Variants in DTX3L observed in about 807,000 individuals in gnomAD.
DTX3L encodes the protein deltex E3 ubiquitin ligase 3L.
Under a neutral mutation model 60.9 loss-of-function variants are expected in DTX3L, and 34 were observed. The ratio of observed to expected loss-of-function variants is 0.56; its 90% CI spans 0.42 to 0.74. The LOEUF (loss-of-function observed/expected upper bound fraction) is 0.74. DTX3L is among the 30% of genes least tolerant of loss of function. DTX3L has a pLI of 0.00. For missense variants in DTX3L, 810 were observed against 874.0 expected, an observed-to-expected ratio of 0.93 and a Z score of 0.92; for synonymous variants, 290 against 316.6, an observed-to-expected ratio of 0.92 and a Z score of 0.89.
chr3:122,570,572 C>G lies in DTX3L; in HGVS notation c.2053C>G (p.Leu685Val), dbSNP rs762935073. Residue 685 changes from leucine (L) to valine (V), a missense_variant, in exon 4 of 5, where the codon CTG becomes GTG. By Grantham distance (32) the Leu-to-Val change is conservative. Transcript: ENST00000296161. ...KLLYRAFDQK[L>V]IFTVGYSRVL... ...GCTTTATAGGGCCTTTGACCAAAAG[C>G]TGATTTTTACAGTGGGGTACTCTCG... 6 of 1,614,136 alleles carry G rather than the reference C, an allele frequency of 3.7e-6. No homozygotes were observed. In the Admixed American group the frequency reaches 1.0e-4, roughly 27 times the overall value.
In DTX3L at chr3:122,568,851, C is replaced by T; in HGVS notation, c.762C>T (p.Ile254=). 1 of 1,613,962 alleles carries T rather than the reference C, an allele frequency of 6.2e-7. No homozygotes were observed. Among genetic ancestry groups the T allele is most frequent in the Non-Finnish European group, 8.5e-7 (1 of 1,179,984 alleles). ...TTAAATATATCTGTCCTGATAAAATCAACTCAATAGAGAAAAGATTTGGTG... is the reference window on the plus strand; with the variant it reads ...TTAAATATATCTGTCCTGATAAAATTAACTCAATAGAGAAAAGATTTGGTG... ...EYFKYICPDK[I]NSIEKRFGVN... Residue 254 remains isoleucine, a synonymous_variant, in exon 3 of 5, where the codon ATC becomes ATT. Coordinates refer to ENST00000296161, the MANE Select transcript of DTX3L (RefSeq NM_138287.3).
chr3:122,569,896 T>C lies in DTX3L; in HGVS notation c.1807T>C (p.Tyr603His). The part of the protein sequence containing the change: ...KPICPTCQTS[Y>H]GIQKGNQPEG... ...AATCTGTCCCACATGCCAGACTTCC[T>C]ATGGTATTCAGAAAGGAAATCAGCC... is the stretch of plus-strand genomic sequence containing the variant. Residue 603 changes from tyrosine (Y) to histidine (H), a missense_variant, in exon 3 of 5, where the codon TAT (tyrosine) becomes CAT (histidine). Physicochemically the swap from Tyr to His is moderately conservative, Grantham distance 83 (BLOSUM62 2). Coordinates refer to ENST00000296161, the MANE Select transcript of DTX3L (RefSeq NM_138287.3). 1 of 1,614,166 alleles carries C rather than the reference T, an allele frequency of 6.2e-7. No individual in the cohort carries two copies. The highest frequency in any genetic ancestry group is 8.5e-7 in the Non-Finnish European group (1 of 1,180,018).
At chr3:122,568,347 A>G in intron 2 of DTX3L, 142 bp from the exon 3 acceptor site, 1 of 381,780 alleles carries the variant, frequency 2.6e-6, no homozygotes, top group East Asian at 3.9e-5. Flanking sequence ...ATAAATAAAT[A>G]AATAGGATTT....
Position 122,569,840 on chromosome 3 carries a change from CT to C in DTX3L, c.1753del (p.Cys585ValfsTer50). On this transcript the variant is annotated frameshift_variant, in exon 3 of 5. Coordinates refer to ENST00000296161, the MANE Select transcript of DTX3L (RefSeq NM_138287.3). LOFTEE classifies it high-confidence loss of function. ...LPKCKHEFCA[P>X]CINKAMSYKP... ...AAGTGCAAGCATGAATTCTGCGCCC[CT>C]TGTATCAACAAAGCCATGTCATATA... 6.2e-7 allele frequency: 1 copy of C among 1,614,142 alleles called. No individual in the cohort carries two copies. The highest frequency in any genetic ancestry group is 2.2e-5 in the East Asian group (1 of 44,886).
chr3:122,569,485 C>A lies in DTX3L; in HGVS notation c.1396C>A (p.His466Asn). ...TTTGGGCAAGGAGAGAAAGCACTTA[C>A]ATCAGACCAAGTTTGCTGATGACTT... ...KSLGKERKHLHQTKFADDFRK... is the reference protein window; with the variant it reads ...KSLGKERKHLNQTKFADDFRK... Residue 466 changes from histidine (H) to asparagine (N), a missense_variant, in exon 3 of 5, where the codon CAT (histidine) becomes AAT (asparagine). His to Asn is a moderately conservative substitution (Grantham distance 68, BLOSUM62 1). Transcript: ENST00000296161. The A allele has an allele frequency of 1.9e-6, 3 of 1,614,220 alleles. No homozygotes were observed. In the Middle Eastern group the frequency reaches 4.9e-4, roughly 266 times the overall value.
Position 122,565,877 on chromosome 3 carries a change from A to G in DTX3L, c.206A>G (p.Lys69Arg), listed in dbSNP as rs2080576025. The change falls in exon 2 of 5, where the codon AAA becomes AGA. Residue 69 changes from lysine to arginine, a missense_variant. Lys to Arg is a conservative substitution (Grantham distance 26, BLOSUM62 2). Transcript: ENST00000296161. The part of the protein sequence containing the change: ...SERAAKERVL[K>R]KGEHQILVDE... ...ACTGAAGCTAAGGAGAGAGTGTTGA[A>G]AAAAGGAGAGCACCAAATACTTGTT... 6.2e-7 allele frequency: 1 copy of G among 1,614,064 alleles called. No individual in the cohort carries two copies. Among genetic ancestry groups the G allele is most frequent in the Non-Finnish European group, 8.5e-7 (1 of 1,180,020 alleles).
Position 122,569,408 on chromosome 3 carries a change from C to G in DTX3L, c.1319C>G (p.Ala440Gly), listed in dbSNP as rs772063554. The G allele has an allele frequency of 1.7e-5, 27 of 1,614,026 alleles. No homozygotes were observed. The highest frequency in any genetic ancestry group is 2.3e-5 in the Non-Finnish European group (27 of 1,180,038). Residue 440 changes from alanine (A) to glycine (G), a missense_variant, in exon 3 of 5, where the codon GCC (alanine) becomes GGC (glycine). By Grantham distance (60) the Ala-to-Gly change is moderately conservative (BLOSUM62 0). Coordinates refer to ENST00000296161, the MANE Select transcript of DTX3L (RefSeq NM_138287.3). ...CATGCTTATGCAAGTTTCATCGATG[C>G]CTTTCAACATGCCTCATGTCAGTTG... ...SVHAYASFID[A>G]FQHASCQLMR...
rs948531193 is a variant in DTX3L at position 122,574,693 on chromosome 3, G to T, written c.*2946G>T. 1 of 152,284 alleles carries T rather than the reference G, an allele frequency of 6.6e-6. No individual in the cohort carries two copies. The highest frequency in any genetic ancestry group is 2.4e-5 in the African/African-American group (1 of 41,444). The allele number at this position is 152,284 out of a possible 1,614,324, so 9.4% of individuals were successfully genotyped here. ...GAAATGCTGGGGTATGAACCAGGTA[G>T]TCTGCCCCCATAGCTCTGCCCCCCA... On this transcript the variant is annotated 3_prime_UTR_variant, in exon 5 of 5. Coordinates refer to ENST00000296161, the MANE Select transcript of DTX3L (RefSeq NM_138287.3).
At chr3:122,571,171 C>T (rs1224728861) in intron 4 of DTX3L, among the ~76,000 whole-genome samples, 1 of 152,092 alleles carries the variant, frequency 6.6e-6, no homozygotes, top group Non-Finnish European at 1.5e-5. Context: ...ATTCCTCAGA[C>T]CCTTGGCACT....
At position 122,574,247 on chromosome 3, in the gene DTX3L, A is replaced by G. The variant is rs989187948; in HGVS notation, c.*2500A>G. ...GTTTTTCAGCTCTTTACTAAGTCCC[A>G]CCAATTCATGTTTTCACCCTTAAAA... On this transcript the variant is annotated 3_prime_UTR_variant, in exon 5 of 5. Coordinates refer to ENST00000296161, the MANE Select transcript of DTX3L (RefSeq NM_138287.3). 6.6e-6 allele frequency: 1 copy of G among 152,062 alleles called. No individual in the cohort carries two copies. The highest frequency in any genetic ancestry group is 6.6e-5 in the Admixed American group (1 of 15,260). 9.4% of individuals were successfully genotyped at this position (152,062 alleles called of 1,614,324 possible).
chr3:122,570,619 C>T lies in DTX3L; in HGVS notation c.2100C>T (p.Val700=). Residue 700 remains valine (V), a synonymous_variant, in exon 4 of 5, where the codon GTC becomes GTT. Coordinates refer to ENST00000296161, the MANE Select transcript of DTX3L (RefSeq NM_138287.3). ...GYSRVLGVSD[V]ITWNDIHHKT... ...CTCGCGTATTAGGAGTCTCAGATGT[C>T]ATCACTTGGAATGATATTCACCACA... 1 of 1,614,150 alleles carries T rather than the reference C, an allele frequency of 6.2e-7. No homozygotes were observed. The highest frequency in any genetic ancestry group is 1.7e-5 in the Admixed American group (1 of 60,030).
intron 1 of DTX3L, 40 bp downstream of exon 1, chr3:122,564,653 G>A (rs1303861555): frequency 1.5e-5 from 24 of 1,560,776 alleles, no homozygotes; most frequent in Non-Finnish European, 2.0e-5. Context: ...CCCTCTGGGG[G>A]CCCGGCCCCC....
At position 122,570,011 on chromosome 3, in the gene DTX3L, C is replaced by A; in HGVS notation, c.1922C>A (p.Ala641Glu). The change falls in exon 3 of 5, where the codon GCA becomes GAA. Residue 641 changes from alanine to glutamate, a missense_variant. By Grantham distance (107) the Ala-to-Glu change is moderately radical. Coordinates refer to ENST00000296161, the MANE Select transcript of DTX3L (RefSeq NM_138287.3). ...ATTGTGATTACTTATTCTATGAAAG[C>A]AGGCATACAAACAGTAAGTATTTCT... is the stretch of plus-strand genomic sequence containing the variant. ...GTIVITYSMK[A>E]GIQTEEHPNP... 6.2e-7 allele frequency: 1 copy of A among 1,613,852 alleles called. No homozygotes were observed. The highest frequency in any genetic ancestry group is 8.5e-7 in the Non-Finnish European group (1 of 1,180,026).
Position 122,572,402 on chromosome 3 carries a change from G to T in DTX3L, c.*655G>T, listed in dbSNP as rs922505936. On this transcript the variant is annotated 3_prime_UTR_variant, in exon 5 of 5. Coordinates refer to ENST00000296161, the MANE Select transcript of DTX3L (RefSeq NM_138287.3). ...TTGCCATCTCTGGGGTGGTTCTTTG[G>T]TTTTTTGTGTGTTTTCCCCTTCATC... 4 of 151,996 alleles carry T rather than the reference G, an allele frequency of 2.6e-5. No individual in the cohort carries two copies. Among genetic ancestry groups the T allele is most frequent in the South Asian group, 2.1e-4 (1 of 4,812 alleles). The allele number at this position is 151,996 out of a possible 1,614,324, so 9.4% of individuals were successfully genotyped here.
In DTX3L at chr3:122,565,993, C is replaced by T; in HGVS notation, c.322C>T (p.Gln108Ter). ...TCAAATTTCTTCACTGACACAATCA[C>T]AAGCAGAAACACCGTCTGGTGATAT... ...RPQISSLTQS[Q>*]AETPSGDMHQ... is the part of the protein sequence containing the mutation. Residue 108 changes from glutamine to a stop codon, truncating the protein, a stop_gained, in exon 2 of 5, where the codon CAA becomes TAA. Transcript: ENST00000296161. LOFTEE classifies it high-confidence loss of function. 1.2e-6 allele frequency: 2 copies of T among 1,614,174 alleles called. No homozygotes were observed. Among genetic ancestry groups the T allele is most frequent in the Non-Finnish European group, 1.7e-6 (2 of 1,180,040 alleles).
At chr3:122,565,299 G>C (rs913981801) in intron 1 of DTX3L, among the ~76,000 whole-genome samples, 1 of 151,968 alleles carries the variant, frequency 6.6e-6, no homozygotes, top group Non-Finnish European at 1.5e-5. Flanking sequence ...ATCACCTGAG[G>C]CCAGGAGTTC....
In DTX3L at chr3:122,569,971, G is replaced by A. The variant is rs749902485; in HGVS notation, c.1882G>A (p.Glu628Lys). 1.2e-6 allele frequency: 2 copies of A among 1,614,110 alleles called. No individual in the cohort carries two copies. Among genetic ancestry groups the A allele is most frequent in the Non-Finnish European group, 1.7e-6 (2 of 1,180,018 alleles). ...TVSRDSLPGY[E>K]SFGTIVITYS... ...TTCAAGAGACTCACTTCCAGGTTAT[G>A]AGTCCTTTGGCACCATTGTGATTAC... The change falls in exon 3 of 5, where the codon GAG becomes AAG. Residue 628 changes from glutamate (E) to lysine (K), a missense_variant. By Grantham distance (56) the Glu-to-Lys change is moderately conservative. Transcript: ENST00000296161.
intron 2 of DTX3L, 88 bp downstream of exon 2, chr3:122,566,158 G>A (rs12485294): frequency 0.57 from 677,386 of 1,192,844 alleles, 193,177 homozygotes; most frequent in East Asian, 0.66. Flanking sequence ...CCCATGTGCT[G>A]GGCACGTACA....
chr3:122,570,185 G>A, intron 3 of DTX3L, 161 bp downstream of exon 3: 1 of 825,024 alleles, frequency 1.2e-6, no homozygotes, highest in East Asian at 2.6e-5. Context: ...AATGTTTGCT[G>A]GTAATTCAAA....
Sources: gnomAD v4.1 joint callset for allele counts (sites outside exome capture counted in the v4.1 genomes callset) on GRCh38, gnomAD v4.1.1 for gene constraint, MANE v1.5 for transcripts, NCBI Gene and HGNC (gene_info 2026-07-23, HGNC 2026-07-21) for gene names.